Variants in CNKSR3 observed in about 807,000 individuals in gnomAD.
CNKSR3 encodes CNKSR family member 3.
Under a neutral mutation model 67.7 loss-of-function variants are expected in CNKSR3, and 36 were observed. The ratio of observed to expected loss-of-function variants is 0.53; its 90% CI spans 0.41 to 0.70. CNKSR3 has a LOEUF of 0.70. CNKSR3 is among the 30% of genes least tolerant of loss of function. The pLI is 0.00. For missense variants in CNKSR3, 630 were observed against 695.2 expected (o/e 0.91, Z 1.05); for synonymous variants, 281 against 271.4 (o/e 1.04, Z -0.35).
At chr6:154,503,465 G>C (rs952038026) in intron 1 of CNKSR3, among the ~76,000 whole-genome samples, 4 of 151,904 alleles carry the variant, frequency 2.6e-5, no homozygotes, top group African/African-American at 9.7e-5. Flanking sequence ...TCTCTACAAA[G>C]ATTTTTTTTT....
At chr6:154,418,440 TGAA>T (rs1463585320) in intron 9 of CNKSR3, among the ~76,000 whole-genome samples, 1 of 152,224 alleles carries the variant, frequency 6.6e-6, no homozygotes, top group Non-Finnish European at 1.5e-5. Flanking sequence ...CGAGTGTGTT[TGAA>T]GAATAGCATT....
intron 1 of CNKSR3, among the ~76,000 whole-genome samples, chr6:154,469,454 C>T (rs1786275687): frequency 6.6e-6 from 1 of 152,154 alleles, no homozygotes; most frequent in African/African-American, 2.4e-5. Context: ...GGAGCTTGCT[C>T]ATGTCAGCCT....
At chr6:154,458,085 C>T (rs114004899) in intron 1 of CNKSR3, among the ~76,000 whole-genome samples, 3,187 of 152,304 alleles carry the variant, frequency 0.021, 63 homozygotes, top group African/African-American at 0.047. Context: ...CCTCTGGCTG[C>T]TTTTGTACTA....
At chr6:154,486,293 C>CTCTTTT (rs1554237690) in intron 1 of CNKSR3, among the ~76,000 whole-genome samples, 3 of 148,058 alleles carry the variant, frequency 2.0e-5, no homozygotes, top group African/African-American at 7.7e-5. Context: ...CTCTCTCTCT[C>CTCTTTT]TTTTTCTTTT....
At chr6:154,413,284 G>T (rs1296258284) in intron 10 of CNKSR3, among the ~76,000 whole-genome samples, 1 of 151,982 alleles carries the variant, frequency 6.6e-6, no homozygotes, top group African/African-American at 2.4e-5. Context: ...GAGTGCAGTG[G>T]TATGATCATG....
chr6:154,415,998 C>A (rs141977461), intron 9 of CNKSR3, among the ~76,000 whole-genome samples: 316 of 152,238 alleles, frequency 2.1e-3, no homozygotes, highest in African/African-American at 5.8e-3. Flanking sequence ...TACCCTTAGG[C>A]CCAGCGTGTG....
intron 2 of CNKSR3, among the ~76,000 whole-genome samples, chr6:154,446,291 T>C (rs1785704782): frequency 6.6e-6 from 1 of 151,724 alleles, no homozygotes; most frequent in Non-Finnish European, 1.5e-5. Context: ...CACAACTTCT[T>C]CTCTACCATC....
At chr6:154,500,240 T>C (rs1279543869) in intron 1 of CNKSR3, among the ~76,000 whole-genome samples, 1 of 149,230 alleles carries the variant, frequency 6.7e-6, no homozygotes. Context: ...TTAATGCATA[T>C]GTAAGTAAAA....
chr6:154,446,125 G>A (rs1785701613), intron 2 of CNKSR3, among the ~76,000 whole-genome samples: 1 of 152,150 alleles, frequency 6.6e-6, no homozygotes, highest in Admixed American at 6.5e-5. Context: ...CTGAAAATCT[G>A]TTCACCTACT....
Position 154,406,105 on chromosome 6 carries a change from GAAGC to G in CNKSR3, c.*245_*248del, listed in dbSNP as rs994500831. On this transcript the variant is annotated 3_prime_UTR_variant, in exon 13 of 13. Transcript: ENST00000607772. The stretch of plus-strand genomic sequence containing the variant: ...CGTGTCTTCACATTCTATCTCTGGG[GAAGC>G]AAGACAAACAGGCTCTACCCATTTC... 1 of 488,772 alleles carries G rather than the reference GAAGC, an allele frequency of 2.0e-6. No homozygotes were observed. Among genetic ancestry groups the G allele is most frequent in the Admixed American group, 3.6e-5 (1 of 27,808 alleles). 30.3% of individuals were successfully genotyped at this position (488,772 alleles called of 1,614,324 possible).
At position 154,391,589 on chromosome 6, in the gene CNKSR3, G is replaced by C. The variant is rs1282157016; in HGVS notation, c.*14765C>G. 6.6e-6 allele frequency: 1 copy of C among 152,192 alleles called. No homozygotes were observed. The highest frequency in any genetic ancestry group is 1.5e-5 in the Non-Finnish European group (1 of 68,032). The allele number at this position is 152,192 out of a possible 1,614,324, so 9.4% of individuals were successfully genotyped here. On this transcript the variant is annotated 3_prime_UTR_variant, in exon 13 of 13. Coordinates refer to ENST00000607772, the MANE Select transcript of CNKSR3 (RefSeq NM_173515.4). ...ATACAGTTACATTCTGAGGTACTGG[G>C]GTTAGGACTTCAATATGTGAATTTG...
At chr6:154,443,188 G>A (rs755698286) in intron 2 of CNKSR3, among the ~76,000 whole-genome samples, 10 of 152,154 alleles carry the variant, frequency 6.6e-5, no homozygotes, top group African/African-American at 9.7e-5. Flanking sequence ...GTGAGCCACC[G>A]CGCCTGGCCG....
chr6:154,480,996 T>C (rs1438680223), intron 1 of CNKSR3, among the ~76,000 whole-genome samples: 2 of 152,226 alleles, frequency 1.3e-5, no homozygotes, highest in Non-Finnish European at 2.9e-5. Flanking sequence ...TTATTTGATA[T>C]TTATTTGATA....
chr6:154,498,679 T>C (rs1038668188), intron 1 of CNKSR3, among the ~76,000 whole-genome samples: 6 of 152,226 alleles, frequency 3.9e-5, no homozygotes, highest in African/African-American at 1.2e-4. Context: ...TGGTGTTCAC[T>C]TCTGCAGTGT....
chr6:154,484,427 C>T (rs1379534182), intron 1 of CNKSR3, among the ~76,000 whole-genome samples: 2 of 152,146 alleles, frequency 1.3e-5, no homozygotes, highest in Non-Finnish European at 2.9e-5. Context: ...TACTCCTGGC[C>T]GGGCACAGTG....
chr6:154,498,557 C>A (rs1786922640), intron 1 of CNKSR3, among the ~76,000 whole-genome samples: 1 of 152,208 alleles, frequency 6.6e-6, no homozygotes, highest in South Asian at 2.1e-4. Flanking sequence ...CACGCCCCCA[C>A]ACTGCAACTT....
chr6:154,508,791 G>T (rs1305562871), intron 1 of CNKSR3, among the ~76,000 whole-genome samples: 2 of 152,202 alleles, frequency 1.3e-5, no homozygotes, highest in Non-Finnish European at 2.9e-5. Context: ...TCCCAGAGGA[G>T]CAGGAAATGG....
At chr6:154,480,499 A>T (rs553004435) in intron 1 of CNKSR3, among the ~76,000 whole-genome samples, 1 of 152,308 alleles carries the variant, frequency 6.6e-6, no homozygotes, top group South Asian at 2.1e-4. Flanking sequence ...GAGTCTCATG[A>T]GCAGGATGGA....
intron 4 of CNKSR3, among the ~76,000 whole-genome samples, chr6:154,435,777 C>A (rs955437146): frequency 5.3e-5 from 8 of 152,236 alleles, no homozygotes; most frequent in East Asian, 1.9e-4. Flanking sequence ...GCACTCAGCA[C>A]CCCCCTGCCT....
Sources: gnomAD v4.1 joint callset for allele counts (sites outside exome capture counted in the v4.1 genomes callset) on GRCh38, gnomAD v4.1.1 for gene constraint, MANE v1.5 for transcripts, NCBI Gene and HGNC (gene_info 2026-07-23, HGNC 2026-07-21) for gene names.